CAMK1D: variants seen among roughly 807,000 people sequenced by gnomAD.
CAMK1D encodes calcium/calmodulin dependent protein kinase ID, also known as calcium/calmodulin-dependent protein kinase type 1D.
Under a neutral mutation model 47.7 loss-of-function variants are expected in CAMK1D, and 9 were observed. That is an observed-to-expected ratio of 0.19 (90% CI 0.11 to 0.33). The LOEUF (loss-of-function observed/expected upper bound fraction) is 0.33, where lower values mean the gene tolerates loss of function less well. CAMK1D is among the 10% of genes least tolerant of loss of function. CAMK1D has a pLI of 1.00. For synonymous variants in CAMK1D, 184 were observed against 184.9 expected, an observed-to-expected ratio of 0.99 and a Z score of 0.04; for missense variants, 291 against 488.7, an observed-to-expected ratio of 0.60 and a Z score of 3.81.
chr10:12,566,206 T>C (rs1322931282), intron 2 of CAMK1D, among the ~76,000 whole-genome samples: 3 of 152,298 alleles, frequency 2.0e-5, no homozygotes, highest in Non-Finnish European at 4.4e-5. Flanking sequence ...ATTATTATTA[T>C]GTGTAAGGGA....
chr10:12,403,651 G>A (rs748260008), intron 1 of CAMK1D, among the ~76,000 whole-genome samples: 4 of 152,112 alleles, frequency 2.6e-5, no homozygotes, highest in Non-Finnish European at 5.9e-5. Context: ...TGCAGAGAAT[G>A]GGGATAGAAA....
chr10:12,765,592 C>G (rs1339164154), intron 4 of CAMK1D, among the ~76,000 whole-genome samples: 3 of 152,210 alleles, frequency 2.0e-5, no homozygotes, highest in African/African-American at 7.2e-5. Flanking sequence ...CCCGCGTGAT[C>G]TCATCAGATC....
chr10:12,716,122 C>T (rs142403924), intron 3 of CAMK1D, among the ~76,000 whole-genome samples: 61 of 152,082 alleles, frequency 4.0e-4, no homozygotes, highest in African/African-American at 1.4e-3. Context: ...AATGAGGGGA[C>T]ACCTTCCTGG....
intron 1 of CAMK1D, among the ~76,000 whole-genome samples, chr10:12,350,369 T>C (rs1446787630): frequency 6.6e-6 from 1 of 152,226 alleles, no homozygotes; most frequent in Non-Finnish European, 1.5e-5. Flanking sequence ...TGTATTTCTA[T>C]GGAATTGGCA....
intron 3 of CAMK1D, among the ~76,000 whole-genome samples, chr10:12,691,352 TATATATATATATATATATATATATAA>T (rs1564495157): frequency 0.028 from 159 of 5,758 alleles, 1 homozygote; most frequent in African/African-American, 0.086. Context: ...AAGTTTTCTA[TATATATATATATATATATATATATAA>T]ATATATATAT....
At chr10:12,459,920 A>G (rs1833373209) in intron 1 of CAMK1D, among the ~76,000 whole-genome samples, 1 of 152,244 alleles carries the variant, frequency 6.6e-6, no homozygotes, top group Admixed American at 6.5e-5. Context: ...AGTTTTGCTC[A>G]GAGAATGAAG....
intron 1 of CAMK1D, among the ~76,000 whole-genome samples, chr10:12,424,838 C>G (rs1314040151): frequency 6.6e-6 from 1 of 152,114 alleles, no homozygotes; most frequent in Non-Finnish European, 1.5e-5. Flanking sequence ...CCATTAGGGA[C>G]TTCCCATCAC....
chr10:12,626,273 CT>C (rs775973539), intron 2 of CAMK1D, among the ~76,000 whole-genome samples: 43 of 152,090 alleles, frequency 2.8e-4, no homozygotes, highest in Non-Finnish European at 5.9e-4. Context: ...TCTTGTGAGT[CT>C]TTTGCATTAA....
intron 1 of CAMK1D, among the ~76,000 whole-genome samples, chr10:12,548,929 C>T (rs1836490841): frequency 1.3e-5 from 2 of 152,140 alleles, no homozygotes; most frequent in African/African-American, 4.8e-5. Flanking sequence ...GATCTCAGCT[C>T]ACTGCAACCT....
chr10:12,746,110 G>A (rs913435061), intron 3 of CAMK1D, among the ~76,000 whole-genome samples: 10 of 152,098 alleles, frequency 6.6e-5, no homozygotes, highest in African/African-American at 2.2e-4. Context: ...TGCCTGTAGA[G>A]CTATTAAAAA....
intron 8 of CAMK1D, among the ~76,000 whole-genome samples, chr10:12,819,228 A>C (rs1263414883): frequency 6.6e-6 from 1 of 152,212 alleles, no homozygotes; most frequent in Admixed American, 6.5e-5. Flanking sequence ...GCTGAGTGCC[A>C]CACCATGAGA....
At chr10:12,480,150 A>G (rs1834020675) in intron 1 of CAMK1D, among the ~76,000 whole-genome samples, 1 of 151,684 alleles carries the variant, frequency 6.6e-6, no homozygotes. Flanking sequence ...TACCAAAATA[A>G]TCTAATTTAA....
chr10:12,527,514 C>T (rs1835665302), intron 1 of CAMK1D, among the ~76,000 whole-genome samples: 1 of 151,988 alleles, frequency 6.6e-6, no homozygotes, highest in South Asian at 2.1e-4. Flanking sequence ...GCCACCACGC[C>T]CGGCTAATTT....
At chr10:12,676,951 A>T (rs1840829194) in intron 3 of CAMK1D, among the ~76,000 whole-genome samples, 1 of 152,134 alleles carries the variant, frequency 6.6e-6, no homozygotes, top group African/African-American at 2.4e-5. Flanking sequence ...TTCTTATATA[A>T]TTTTTTACCA....
At chr10:12,569,722 CAA>C (rs56335336) in intron 2 of CAMK1D, among the ~76,000 whole-genome samples, 9 of 71,466 alleles carry the variant, frequency 1.3e-4, no homozygotes, top group African/African-American at 2.6e-4. Flanking sequence ...GACTCCGTCT[CAA>C]AAAAAAAAAA....
intron 2 of CAMK1D, among the ~76,000 whole-genome samples, chr10:12,632,283 G>A (rs1038797327): frequency 6.6e-6 from 1 of 152,228 alleles, no homozygotes; most frequent in African/African-American, 2.4e-5. Context: ...AATTCAGGGA[G>A]CCAGCCATGC....
intron 3 of CAMK1D, among the ~76,000 whole-genome samples, chr10:12,674,530 G>T (rs1034072592): frequency 6.8e-6 from 1 of 146,228 alleles, no homozygotes; most frequent in Non-Finnish European, 1.5e-5. Context: ...TTCCTGTACT[G>T]CTGCAGCAAG....
intron 1 of CAMK1D, among the ~76,000 whole-genome samples, chr10:12,421,094 G>T (rs570236565): frequency 6.6e-6 from 1 of 152,134 alleles, no homozygotes; most frequent in South Asian, 2.1e-4. Context: ...GCTGAATGGC[G>T]TGGTGTTGAG....
intron 1 of CAMK1D, among the ~76,000 whole-genome samples, chr10:12,454,983 C>G (rs1292875731): frequency 6.6e-6 from 1 of 152,154 alleles, no homozygotes. Context: ...GCCGGCTGGC[C>G]GAGTACAGTC....
Sources: allele counts gnomAD v4.1 joint callset (sites outside exome capture counted in the v4.1 genomes callset), GRCh38; gene constraint gnomAD v4.1.1; transcripts MANE v1.5; gene names NCBI Gene and HGNC (gene_info 2026-07-23, HGNC 2026-07-21).